The following ARHGEF12 variants were observed in gnomAD, a reference collection of about 807,000 sequenced individuals.
ARHGEF12 encodes the protein KMT2A/ARHGEF12 fusion protein.
Under a neutral mutation model 211.2 loss-of-function variants are expected in ARHGEF12, and 66 were observed. That is an observed-to-expected ratio of 0.31 (90% CI 0.26 to 0.38). ARHGEF12 has a LOEUF of 0.38. ARHGEF12 is among the 10% of genes least tolerant of loss of function. ARHGEF12 has a pLI of 1.00. For synonymous variants in ARHGEF12, 592 were observed against 638.4 expected (o/e 0.93, Z 1.09); for missense variants, 1,429 against 1,869.5 (o/e 0.76, Z 4.34).
intron 1 of ARHGEF12, among the ~76,000 whole-genome samples, chr11:120,359,581 T>TA (rs776788684): frequency 2.9e-4 from 44 of 152,318 alleles, no homozygotes; most frequent in African/African-American, 6.7e-4. Flanking sequence ...CACAAATACT[T>TA]ACGGAATATC....
At chr11:120,457,988 C>A in intron 24 of ARHGEF12, 92 bp from the exon 25 acceptor site, 1 of 1,426,622 alleles carries the variant, frequency 7.0e-7, no homozygotes, top group Non-Finnish European at 9.5e-7. Context: ...ATTCAGGAAT[C>A]TGATTAGAAT....
chr11:120,412,215 A>G (rs184138610), intron 4 of ARHGEF12, among the ~76,000 whole-genome samples: 5 of 152,332 alleles, frequency 3.3e-5, no homozygotes, highest in Admixed American at 2.6e-4. Context: ...GAGATTCAGC[A>G]AGGGAATTCT....
At chr11:120,353,399 C>G (rs1343909233) in intron 1 of ARHGEF12, among the ~76,000 whole-genome samples, 1 of 152,210 alleles carries the variant, frequency 6.6e-6, no homozygotes, top group Non-Finnish European at 1.5e-5. Context: ...AGAACAATCT[C>G]AGAAACTTCT....
At chr11:120,350,418 G>A (rs1436830167) in intron 1 of ARHGEF12, among the ~76,000 whole-genome samples, 4 of 151,908 alleles carry the variant, frequency 2.6e-5, no homozygotes, top group African/African-American at 9.7e-5. Context: ...GGGAGGCTGA[G>A]GCAGGAGAAT....
Position 120,431,828 on chromosome 11 carries a change from G to A in ARHGEF12, c.841G>A (p.Ala281Thr), listed in dbSNP as rs1945549043. The A allele has an allele frequency of 6.2e-7, 1 of 1,614,018 alleles. No individual in the cohort carries two copies. Among genetic ancestry groups the A allele is most frequent in the Non-Finnish European group, 8.5e-7 (1 of 1,179,928 alleles). The stretch of plus-strand genomic sequence containing the variant: ...AGGGGACACCCTAACAGTCAGTGAG[G>A]CAGAAACAGATCCTGGAGATGTACT... Reference protein sequence around the residue: ...PLGDTLTVSEAETDPGDVLGR... With the variant: ...PLGDTLTVSETETDPGDVLGR... The change falls in exon 11 of 41, where the codon GCA (alanine) becomes ACA (threonine). Residue 281 changes from alanine (A) to threonine (T), a missense_variant. Physicochemically the swap from Ala to Thr is moderately conservative, Grantham distance 58. This residue lies in a region of ARHGEF12 where 254 missense variants were observed against 286.4 expected (regional missense o/e 0.89). Coordinates refer to ENST00000397843, the MANE Select transcript of ARHGEF12 (RefSeq NM_015313.3).
intron 11 of ARHGEF12, among the ~76,000 whole-genome samples, chr11:120,436,036 C>A (rs551188249): frequency 5.9e-5 from 9 of 152,252 alleles, no homozygotes; most frequent in Middle Eastern, 3.4e-3. Context: ...TCTCTTGATT[C>A]TTTTCAGAAG....
At chr11:120,459,471 A>C in intron 26 of ARHGEF12, 151 bp downstream of exon 26, 2 of 836,072 alleles carry the variant, frequency 2.4e-6, no homozygotes, top group East Asian at 5.7e-5. Flanking sequence ...AACTTTGACT[A>C]GATCCTTTTC....
chr11:120,472,521 A>G (rs1946898372), intron 30 of ARHGEF12, among the ~76,000 whole-genome samples: 1 of 152,200 alleles, frequency 6.6e-6, no homozygotes, highest in Admixed American at 6.5e-5. Context: ...TAAGAGACCA[A>G]TGACTTTGAA....
intron 1 of ARHGEF12, among the ~76,000 whole-genome samples, chr11:120,355,620 T>C (rs1167872970): frequency 6.6e-6 from 1 of 152,180 alleles, no homozygotes; most frequent in African/African-American, 2.4e-5. Context: ...GGTGGGAGGA[T>C]TGCTTGAGCC....
chr11:120,437,778 T>A (rs1233909352), intron 12 of ARHGEF12, among the ~76,000 whole-genome samples: 1 of 152,186 alleles, frequency 6.6e-6, no homozygotes, highest in Admixed American at 6.5e-5. Context: ...ACTTTCTGTC[T>A]CTATGAATTT....
chr11:120,421,890 A>T lies in ARHGEF12; in HGVS notation c.348+38A>T, dbSNP rs780947842. The T allele has an allele frequency of 1.0e-5, 15 of 1,500,648 alleles. No homozygotes were observed. The African/African-American group carries it at 1.2e-4, about 13-fold the overall frequency. The allele number at this position is 1,500,648 out of a possible 1,614,324, so 93.0% of individuals were successfully genotyped here. A position where few individuals can be genotyped will look rare whatever the true frequency, so the allele number is the denominator to read the frequency against. On this transcript the variant is annotated intron_variant, in intron 6 of 40. Transcript: ENST00000397843. ...CTATTATAGAATTTACGGTAGGATTAAAAAACAACATATATTGGTCATATT... is the reference window on the plus strand; with the variant it reads ...CTATTATAGAATTTACGGTAGGATTTAAAAACAACATATATTGGTCATATT...
intron 32 of ARHGEF12, 109 bp downstream of exon 32, chr11:120,474,744 C>T: frequency 2.7e-6 from 2 of 739,840 alleles, no homozygotes; most frequent in East Asian, 5.2e-5. Context: ...CAGCAGTTTG[C>T]AGTGCTACCT....
intron 1 of ARHGEF12, among the ~76,000 whole-genome samples, chr11:120,393,120 C>T (rs892205446): frequency 2.6e-5 from 4 of 152,150 alleles, no homozygotes; most frequent in Non-Finnish European, 5.9e-5. Context: ...AATTGTCAGG[C>T]GTATGCTCAG....
chr11:120,446,066 C>T (rs1226444079), intron 16 of ARHGEF12, among the ~76,000 whole-genome samples: 1 of 149,328 alleles, frequency 6.7e-6, no homozygotes, highest in Non-Finnish European at 1.5e-5. Context: ...GGCGTGGTGG[C>T]GGGCGCCTGT....
intron 1 of ARHGEF12, among the ~76,000 whole-genome samples, chr11:120,402,422 G>A (rs1307318474): frequency 2.6e-5 from 4 of 152,150 alleles, no homozygotes; most frequent in African/African-American, 9.7e-5. Flanking sequence ...AAATCAAGTT[G>A]CAGTGTTTTT....
Position 120,440,481 on chromosome 11 carries a change from G to A in ARHGEF12, c.1092+260G>A, listed in dbSNP as rs183901190. Among the ~76,000 whole-genome samples the A allele has an allele frequency of 3.8e-3, 582 of 152,100 alleles. 2 individuals carry two copies. Among genetic ancestry groups the A allele is most frequent in the Non-Finnish European group, 6.0e-3 (406 of 67,950 alleles). On this transcript the variant is annotated intron_variant, in intron 13 of 40. Transcript: ENST00000397843. ...GGGGTTGAGTGTGTTTCTTAAAATA[G>A]TATTTTTAAAAAAAATTTCAAATCC...
intron 7 of ARHGEF12, among the ~76,000 whole-genome samples, chr11:120,427,123 G>A (rs1945369022): frequency 6.6e-6 from 1 of 152,020 alleles, no homozygotes. Context: ...TGATCTGCCT[G>A]CCTCAGCCTC....
chr11:120,405,478 G>A (rs1047345197), intron 1 of ARHGEF12, among the ~76,000 whole-genome samples: 1 of 152,046 alleles, frequency 6.6e-6, no homozygotes, highest in Non-Finnish European at 1.5e-5. Context: ...AGTGCCCTTT[G>A]TTTTCTACTT....
rs759073588 is a variant in ARHGEF12 at position 120,447,953 on chromosome 11, CTA to C, written c.1622+49_1622+50del. 7.1e-6 allele frequency: 10 copies of C among 1,407,284 alleles called. No individual in the cohort carries two copies. The South Asian group carries it at 1.3e-4, about 19-fold the overall frequency. The allele number at this position is 1,407,284 out of a possible 1,614,324, so 87.2% of individuals were successfully genotyped here. On this transcript the variant is annotated intron_variant, in intron 19 of 40. Transcript: ENST00000397843. ...CCCTAGAATTTTAAGAAAAAAAGAA[CTA>C]TGTTTTTTTCCTTTCAGTCCTAAAT...
Sources: gnomAD v4.1 joint callset for allele counts (sites outside exome capture counted in the v4.1 genomes callset) on GRCh38, gnomAD v4.1.1 for gene constraint, gnomAD v4.1.1 regional missense constraint, MANE v1.5 for transcripts, NCBI Gene and HGNC (gene_info 2026-07-23, HGNC 2026-07-21) for gene names.